Variants in R3HDM2 observed in about 807,000 individuals in gnomAD.
R3HDM2 encodes the protein R3H domain-containing protein 2.
R3HDM2 carries 38 observed loss-of-function variants against 124.5 expected under a neutral mutation model. That is an observed-to-expected ratio of 0.31 (90% confidence interval 0.24 to 0.40). The LOEUF is 0.40. Among genes scored for constraint, R3HDM2 ranks in the 10% least tolerant of loss-of-function variants. The pLI is 1.00. For missense variants in R3HDM2, 869 were observed against 1,236.9 expected (o/e 0.70, Z 4.46); for synonymous variants, 391 against 448.0 (o/e 0.87, Z 1.61).
At chr12:57,323,078 A>T (rs1170359247) in intron 2 of R3HDM2, among the ~76,000 whole-genome samples, 2 of 152,230 alleles carry the variant, frequency 1.3e-5, no homozygotes, top group African/African-American at 4.8e-5. Context: ...AAAAAAAATA[A>T]AGATATCAAC....
At chr12:57,308,693 TA>T (rs1358286022) in intron 3 of R3HDM2, among the ~76,000 whole-genome samples, 1 of 150,584 alleles carries the variant, frequency 6.6e-6, no homozygotes, top group South Asian at 2.1e-4. Flanking sequence ...CCTCAAAAAA[TA>T]AAAAAAAACT....
chr12:57,337,319 T>A (rs2058980275), intron 2 of R3HDM2, among the ~76,000 whole-genome samples: 2 of 152,016 alleles, frequency 1.3e-5, no homozygotes, highest in African/African-American at 4.8e-5. Context: ...TTGGCTGAAT[T>A]TTTTTTGTTC....
chr12:57,281,535 G>C (rs1056649945), intron 13 of R3HDM2, among the ~76,000 whole-genome samples: 3 of 151,854 alleles, frequency 2.0e-5, no homozygotes, highest in Non-Finnish European at 4.4e-5. Flanking sequence ...GCCCAGGCTG[G>C]AATGCAGTGG....
rs530007639 is a variant in R3HDM2 at position 57,300,242 on chromosome 12, G to A, written c.208-61C>T. 26 of 1,372,562 alleles carry A rather than the reference G, an allele frequency of 1.9e-5. No homozygotes were observed. The South Asian group carries it at 2.0e-4, about 11-fold the overall frequency. The allele number at this position is 1,372,562 out of a possible 1,614,324, so 85.0% of individuals were successfully genotyped here. A position where few individuals can be genotyped will look rare whatever the true frequency, so the allele number is the denominator to read the frequency against. ...ATGTATCTTATATATTTCTTCCCTC[G>A]GTGAACATTCAGAAAGCTTTTGGCT... is the stretch of plus-strand genomic sequence containing the variant. On this transcript the variant is annotated intron_variant, in intron 4 of 23. Coordinates refer to ENST00000402412, the MANE Select transcript of R3HDM2 (RefSeq NM_001394031.1).
chr12:57,344,055 G>A (rs2059861853), intron 2 of R3HDM2, among the ~76,000 whole-genome samples: 2 of 151,990 alleles, frequency 1.3e-5, no homozygotes, highest in South Asian at 4.1e-4. Flanking sequence ...ACAAACTTAC[G>A]TATACACATA....
chr12:57,317,944 C>T (rs1382674604), intron 2 of R3HDM2, among the ~76,000 whole-genome samples: 2 of 148,346 alleles, frequency 1.3e-5, no homozygotes, highest in Non-Finnish European at 3.0e-5. Flanking sequence ...TGCACCATTG[C>T]ACTCCAGCCT....
chr12:57,370,599 CA>C (rs1238301414), intron 2 of R3HDM2, among the ~76,000 whole-genome samples: 1 of 152,004 alleles, frequency 6.6e-6, no homozygotes, highest in Non-Finnish European at 1.5e-5. Context: ...AAGATCGCGC[CA>C]TTGCACTCCA....
At chr12:57,288,159 C>G (rs183396376) in intron 12 of R3HDM2, among the ~76,000 whole-genome samples, 142 of 151,888 alleles carry the variant, frequency 9.3e-4, no homozygotes, top group Non-Finnish European at 1.9e-3. Flanking sequence ...GCACCCACCA[C>G]CACGCCTGGC....
Position 57,269,754 on chromosome 12 carries a change from G to A in R3HDM2, c.1585C>T (p.Gln529Ter). The A allele has an allele frequency of 6.2e-7, 1 of 1,614,160 alleles. No individual in the cohort carries two copies. The highest frequency in any genetic ancestry group is 8.5e-7 in the Non-Finnish European group (1 of 1,180,026). ...PPQGYMQPPQ[Q>*]IQVSYYPPGQ... ...AGCTGGGAACTGGAGCTGCTCACCTGTTGAGGGGGCTGCATGTACCCCTGG... is the reference window on the plus strand; with the variant it reads ...AGCTGGGAACTGGAGCTGCTCACCTATTGAGGGGGCTGCATGTACCCCTGG... The change falls in exon 15 of 24, where the codon CAG becomes TAG. Residue 529 changes from glutamine (Q) to a stop codon, truncating the protein, a stop_gained and splice_region_variant. Coordinates refer to ENST00000402412, the MANE Select transcript of R3HDM2 (RefSeq NM_001394031.1). LOFTEE classifies it high-confidence loss of function.
chr12:57,310,405 T>C lies in R3HDM2; in HGVS notation c.24A>G (p.Gln8=), dbSNP rs1299100574. 5 of 1,545,832 alleles carry C rather than the reference T, an allele frequency of 3.2e-6. No individual in the cohort carries two copies. The highest frequency in any genetic ancestry group is 2.0e-5 in the Admixed American group (1 of 49,994). Residue 8 remains glutamine, a synonymous_variant, in exon 3 of 24, where the codon CAA becomes CAG. Coordinates refer to ENST00000402412, the MANE Select transcript of R3HDM2 (RefSeq NM_001394031.1). ...ATTCTTTCATTATTTCCAGGGTCTC[T>C]TGAGTAGTGTTACTGTTAGACATGT... The part of the protein sequence containing the change: MSNSNTT[Q]ETLEIMKESE...
At chr12:57,293,284 G>A (rs1230477128) in intron 10 of R3HDM2, among the ~76,000 whole-genome samples, 1 of 152,008 alleles carries the variant, frequency 6.6e-6, no homozygotes, top group African/African-American at 2.4e-5. Context: ...GGTGGGGAAG[G>A]GGAGAGACAA....
intron 12 of R3HDM2, 91 bp from the exon 13 acceptor site, chr12:57,284,147 A>G: frequency 1.7e-6 from 2 of 1,150,184 alleles, no homozygotes; most frequent in Non-Finnish European, 2.5e-6. Context: ...TCAATAACAA[A>G]GAATGGGTAA....
chr12:57,376,585 G>A (rs2064098883), intron 2 of R3HDM2, among the ~76,000 whole-genome samples: 1 of 152,170 alleles, frequency 6.6e-6, no homozygotes, highest in Non-Finnish European at 1.5e-5. Context: ...GAAGCCAGAA[G>A]TTCAAGGCTG....
chr12:57,428,432 C>G (rs1437370574), intron 1 of R3HDM2, among the ~76,000 whole-genome samples: 2 of 150,888 alleles, frequency 1.3e-5, no homozygotes, highest in Non-Finnish European at 2.9e-5. Flanking sequence ...GAGATCGAGA[C>G]CATCCTGGCT....
chr12:57,372,895 T>C (rs746766995), intron 2 of R3HDM2, among the ~76,000 whole-genome samples: 3 of 152,212 alleles, frequency 2.0e-5, no homozygotes, highest in Non-Finnish European at 2.9e-5. Context: ...GATTATGGTC[T>C]TCCCAGATTT....
chr12:57,407,399 AT>A lies in R3HDM2; in HGVS notation c.-105-11582del, dbSNP rs1347963116. On this transcript the variant is annotated intron_variant, in intron 1 of 23. Coordinates refer to ENST00000402412, the MANE Select transcript of R3HDM2 (RefSeq NM_001394031.1). ...AACACCAGATATTTAATATTAAGGA[AT>A]TTTTTTTTCTTTTTTTCTTTTTTGA... 1.6e-4 allele frequency among the ~76,000 whole-genome samples: 24 copies of A among 151,588 alleles called. No homozygotes were observed. The East Asian group carries it at 3.3e-3, about 21-fold the overall frequency.
intron 2 of R3HDM2, among the ~76,000 whole-genome samples, chr12:57,386,957 C>A (rs531183168): frequency 1.3e-5 from 2 of 152,130 alleles, no homozygotes; most frequent in Admixed American, 1.3e-4. Flanking sequence ...ACCTTTGGCA[C>A]TCTGTATCTA....
Position 57,299,438 on chromosome 12 carries a change from T to C in R3HDM2, c.335A>G (p.Glu112Gly). ...GACATCTTTTGTGGACTTTTCTTCC[T>C]CCTTGTCAGAAGGGCAACTGATGTG... The part of the protein sequence containing the change: ...QLHISCPSDK[E>G]EEKSTKDVSE... Residue 112 changes from glutamate (E) to glycine (G), a missense_variant, in exon 6 of 24, where the codon GAG becomes GGG. Coordinates refer to ENST00000402412, the MANE Select transcript of R3HDM2 (RefSeq NM_001394031.1). 6.5e-7 allele frequency: 1 copy of C among 1,545,184 alleles called. No individual in the cohort carries two copies. Among genetic ancestry groups the C allele is most frequent in the South Asian group, 1.2e-5 (1 of 83,942 alleles).
At chr12:57,286,968 C>T (rs1355992066) in intron 12 of R3HDM2, among the ~76,000 whole-genome samples, 1 of 152,156 alleles carries the variant, frequency 6.6e-6, no homozygotes, top group Non-Finnish European at 1.5e-5. Flanking sequence ...TTGATGTAGT[C>T]TGATGGTCCA....
Sources: gnomAD v4.1 joint callset for allele counts (sites outside exome capture counted in the v4.1 genomes callset) on GRCh38, gnomAD v4.1.1 for gene constraint, MANE v1.5 for transcripts, NCBI Gene and HGNC (gene_info 2026-07-23, HGNC 2026-07-21) for gene names.